PCDHGB1: variants seen among roughly 807,000 people sequenced by gnomAD.
The protein encoded by PCDHGB1 is protocadherin gamma-B1.
A neutral mutation model predicts 56.6 loss-of-function variants in PCDHGB1; 34 were observed. The ratio of observed to expected loss-of-function variants is 0.60; its 90% CI spans 0.46 to 0.80. The LOEUF (loss-of-function observed/expected upper bound fraction) is 0.80, where lower values mean the gene tolerates loss of function less well. Among genes scored for constraint, PCDHGB1 ranks in the 30% least tolerant of loss-of-function variants. The pLI, the probability that PCDHGB1 is intolerant of heterozygous loss-of-function variation, is 0.00. For synonymous variants in PCDHGB1, 561 were observed against 505.9 expected (o/e 1.11, Z -1.46); for missense variants, 1,278 against 1,204.6 (o/e 1.06, Z -0.90).
At chr5:141,389,715 G>A (rs1210776013) in intron 1 of PCDHGB1, 4 of 1,612,586 alleles carry the variant, frequency 2.5e-6, no homozygotes, top group Middle Eastern at 1.7e-4. Context: ...GCAGGCTAGC[G>A]AGCCCGGGCT....
chr5:141,505,507 A>G, intron 3 of PCDHGB1, 26 bp downstream of exon 3: 1 of 1,614,004 alleles, frequency 6.2e-7, no homozygotes, highest in South Asian at 1.1e-5. Flanking sequence ...GTGTGTATGG[A>G]AGAGTGGGAG....
intron 1 of PCDHGB1, chr5:141,404,452 T>G (rs1197188094): frequency 2.5e-6 from 4 of 1,613,228 alleles, no homozygotes; most frequent in Non-Finnish European, 3.4e-6. Context: ...AAGGGTCTCC[T>G]CTCTCCACCT....
chr5:141,489,844 C>T lies in PCDHGB1; in HGVS notation c.2410-4963C>T, dbSNP rs1004902910. 4.3e-6 allele frequency: 7 copies of T among 1,614,148 alleles called. No homozygotes were observed. The African/African-American group carries it at 9.3e-5, about 22-fold the overall frequency. ...GCTGGTGCTAGAGCAGCAGCTGGAT[C>T]GTGAAGCCCAGGCAAGACATCAGCT... On this transcript the variant is annotated intron_variant, in intron 1 of 3. Transcript: ENST00000523390. The surrounding 1 kb of genome is among the most constrained non-coding windows in gnomAD (Gnocchi z 4.5).
chr5:141,403,540 G>A (rs752983401), intron 1 of PCDHGB1: 2 of 1,613,886 alleles, frequency 1.2e-6, no homozygotes, highest in African/African-American at 2.7e-5. Context: ...AGCTGGTGCT[G>A]GAGCGCGCCC....
At position 141,432,673 on chromosome 5, in the gene PCDHGB1, C is replaced by A. The variant is rs770930842; in HGVS notation, c.2410-62134C>A. 5 of 1,613,922 alleles carry A rather than the reference C, an allele frequency of 3.1e-6. No homozygotes were observed. Among genetic ancestry groups the A allele is most frequent in the Non-Finnish European group, 4.2e-6 (5 of 1,179,960 alleles). On this transcript the variant is annotated intron_variant, in intron 1 of 3. Coordinates refer to ENST00000523390, the MANE Select transcript of PCDHGB1 (RefSeq NM_018922.3). This position sits in a 1 kb window ranked among gnomAD's most constrained non-coding sequence, Gnocchi z 6.0. ...GAGCCCTGCTGGACAGAGACGCGCTCAAGCAGAGCCTCGTAGTGGCCGTCC... is the reference window on the plus strand; with the variant it reads ...GAGCCCTGCTGGACAGAGACGCGCTAAAGCAGAGCCTCGTAGTGGCCGTCC...
chr5:141,403,895 T>C, intron 1 of PCDHGB1: 1 of 1,613,884 alleles, frequency 6.2e-7, no homozygotes, highest in Non-Finnish European at 8.5e-7. Context: ...ATGTTCATTT[T>C]ATGAAATGGA....
intron 1 of PCDHGB1, chr5:141,392,870 G>C: frequency 6.2e-7 from 1 of 1,613,226 alleles, no homozygotes; most frequent in Non-Finnish European, 8.5e-7. Context: ...TGTGCGCGCT[G>C]CTGGGAACGC....
chr5:141,382,360 A>C (rs1310834058), intron 1 of PCDHGB1, among the ~76,000 whole-genome samples: 1 of 152,210 alleles, frequency 6.6e-6, no homozygotes, highest in Non-Finnish European at 1.5e-5. Flanking sequence ...ATTTAAATAA[A>C]ATTTACCTTT....
At chr5:141,450,831 T>TA (rs761717068) in intron 1 of PCDHGB1, among the ~76,000 whole-genome samples, 7,796 of 144,584 alleles carry the variant, frequency 0.054, 354 homozygotes, top group African/African-American at 0.12. Context: ...TTATTATTAT[T>TA]TTTTTTTTTT....
At chr5:141,495,292 C>T (rs74321313) in intron 2 of PCDHGB1, among the ~76,000 whole-genome samples, 8,567 of 152,256 alleles carry the variant, frequency 0.056, 526 homozygotes, top group African/African-American at 0.16. Context: ...CCGCACTCAG[C>T]GCCTCCTCCA....
Position 141,428,071 on chromosome 5 carries a change from C to T in PCDHGB1, c.2410-66736C>T, listed in dbSNP as rs968712502. ...AAGGTGGTGGCGGTGGACGCAGATTCGGGACACAACGCTTGGCTGTCCTAC... is the reference window on the plus strand; with the variant it reads ...AAGGTGGTGGCGGTGGACGCAGATTTGGGACACAACGCTTGGCTGTCCTAC... On this transcript the variant is annotated intron_variant, in intron 1 of 3. Transcript: ENST00000523390. The T allele has an allele frequency of 5.6e-6, 9 of 1,609,140 alleles. No homozygotes were observed. In the Middle Eastern group the frequency reaches 1.0e-3, roughly 184 times the overall value.
chr5:141,414,550 G>C, intron 1 of PCDHGB1: 1 of 1,613,948 alleles, frequency 6.2e-7, no homozygotes, highest in Non-Finnish European at 8.5e-7. Context: ...CTTCTCTCAA[G>C]TCTCCTACTT....
At chr5:141,366,416 G>T (rs767881897) in intron 1 of PCDHGB1, 1 of 1,614,118 alleles carries the variant, frequency 6.2e-7, no homozygotes, top group Non-Finnish European at 8.5e-7. Flanking sequence ...TCTTGTGGTG[G>T]CAGTGGCTGC....
At position 141,486,368 on chromosome 5, in the gene PCDHGB1, T is replaced by C. The variant is rs1217513529; in HGVS notation, c.2410-8439T>C. 6.2e-7 allele frequency: 1 copy of C among 1,614,014 alleles called. No homozygotes were observed. Among genetic ancestry groups the C allele is most frequent in the Non-Finnish European group, 8.5e-7 (1 of 1,180,000 alleles). On this transcript the variant is annotated intron_variant, in intron 1 of 3. Coordinates refer to ENST00000523390, the MANE Select transcript of PCDHGB1 (RefSeq NM_018922.3). This position sits in a 1 kb window ranked among gnomAD's most constrained non-coding sequence, Gnocchi z 5.0. ...TGACCACTTGCCATTTGCCCTCAAGTCTGCCTTCAGGAACCAGTTCTCCCT... is the reference window on the plus strand; with the variant it reads ...TGACCACTTGCCATTTGCCCTCAAGCCTGCCTTCAGGAACCAGTTCTCCCT...
intron 1 of PCDHGB1, chr5:141,403,028 G>A (rs1396801327): frequency 6.2e-7 from 1 of 1,614,074 alleles, no homozygotes; most frequent in Admixed American, 1.7e-5. Context: ...GCTATGGGAG[G>A]CCAGGGCCAG....
intron 1 of PCDHGB1, chr5:141,379,535 GGAAA>G (rs1209928987): frequency 6.6e-6 from 1 of 152,098 alleles, no homozygotes; most frequent in Non-Finnish European, 1.5e-5. Flanking sequence ...GTTGTTATAG[GGAAA>G]GCTCACTAAC....
At chr5:141,484,155 T>G (rs2099592564) in intron 1 of PCDHGB1, among the ~76,000 whole-genome samples, 1 of 152,224 alleles carries the variant, frequency 6.6e-6, no homozygotes, top group Non-Finnish European at 1.5e-5. Context: ...GTAGGCACAA[T>G]GCTGTTGGTA....
chr5:141,422,298 T>G, intron 1 of PCDHGB1: 1 of 1,549,054 alleles, frequency 6.5e-7, no homozygotes, highest in Non-Finnish European at 8.7e-7. Flanking sequence ...TTAATTCAAT[T>G]CTGGAAAACT....
chr5:141,418,264 A>C, intron 1 of PCDHGB1: 1 of 1,614,082 alleles, frequency 6.2e-7, no homozygotes, highest in Non-Finnish European at 8.5e-7. Flanking sequence ...AATTCCGGAA[A>C]GATGAAATAA....
Sources: allele counts gnomAD v4.1 joint callset (sites outside exome capture counted in the v4.1 genomes callset), GRCh38; gene constraint gnomAD v4.1.1; non-coding constraint Gnocchi (gnomAD v3.1); transcripts MANE v1.5; gene names NCBI Gene and HGNC (gene_info 2026-07-23, HGNC 2026-07-21).